The following ABTB3 variants were observed in gnomAD, a reference collection of about 807,000 sequenced individuals.
ABTB3 encodes the protein ankyrin repeat and BTB domain containing 3, also known as ankyrin repeat- and BTB/POZ domain-containing protein 3.
the ABTB3 span, among the ~76,000 whole-genome samples, chr12:107,540,077 C>A: frequency 1.3e-5 from 2 of 152,128 alleles, no homozygotes; most frequent in Non-Finnish European, 2.9e-5. Flanking sequence ...TAACCCCCTG[C>A]GTTAGTCTAT....
the ABTB3 span, among the ~76,000 whole-genome samples, chr12:107,579,165 T>G: frequency 6.6e-6 from 1 of 152,126 alleles, no homozygotes; most frequent in African/African-American, 2.4e-5. Context: ...TTAAGAGGGA[T>G]GTGGATTTTT....
chr12:107,403,142 G>C, the ABTB3 span, among the ~76,000 whole-genome samples: 1 of 152,154 alleles, frequency 6.6e-6, no homozygotes, highest in Non-Finnish European at 1.5e-5. Flanking sequence ...GCATGGTCTA[G>C]AGATCACGTA....
chr12:107,393,670 C>G, the ABTB3 span, among the ~76,000 whole-genome samples: 1 of 152,134 alleles, frequency 6.6e-6, no homozygotes, highest in Non-Finnish European at 1.5e-5. Context: ...GTGGGTCATG[C>G]CTGTAATCCC....
At chr12:107,478,155 A>C in the ABTB3 span, among the ~76,000 whole-genome samples, 1 of 152,222 alleles carries the variant, frequency 6.6e-6, no homozygotes, top group Non-Finnish European at 1.5e-5. Flanking sequence ...TCAGATGCCC[A>C]GATCTGCCAC....
chr12:107,648,237 C>T, the ABTB3 span, among the ~76,000 whole-genome samples: 3 of 151,988 alleles, frequency 2.0e-5, no homozygotes, highest in Non-Finnish European at 2.9e-5. Context: ...AAAAACTAGC[C>T]GGGCGTGGCA....
the ABTB3 span, among the ~76,000 whole-genome samples, chr12:107,483,334 G>A: frequency 2.0e-5 from 3 of 152,102 alleles, no homozygotes; most frequent in Non-Finnish European, 4.4e-5. Flanking sequence ...ATGAGCCACC[G>A]TGCCCAGCCC....
the ABTB3 span, among the ~76,000 whole-genome samples, chr12:107,393,323 C>T: frequency 1.7e-5 from 2 of 116,418 alleles, no homozygotes; most frequent in African/African-American, 6.6e-5. Flanking sequence ...ATCTGGTTTC[C>T]TGTATCAGGC....
the ABTB3 span, among the ~76,000 whole-genome samples, chr12:107,340,318 C>A: frequency 6.6e-6 from 1 of 152,142 alleles, no homozygotes; most frequent in Non-Finnish European, 1.5e-5. Context: ...CTGAGACTGG[C>A]CTCAGAAAGG....
At chr12:107,440,410 G>T in the ABTB3 span, among the ~76,000 whole-genome samples, 1 of 152,212 alleles carries the variant, frequency 6.6e-6, no homozygotes, top group Non-Finnish European at 1.5e-5. Context: ...CCTTCTCAGG[G>T]CTGACCCTTC....
chr12:107,547,090 G>C, the ABTB3 span, among the ~76,000 whole-genome samples: 2 of 151,896 alleles, frequency 1.3e-5, no homozygotes, highest in Non-Finnish European at 1.5e-5. Context: ...GCTACTTAGG[G>C]GGCTGAAGCA....
chr12:107,636,397 G>T, the ABTB3 span, among the ~76,000 whole-genome samples: 15 of 152,190 alleles, frequency 9.9e-5, no homozygotes, highest in Admixed American at 7.2e-4. Flanking sequence ...CCCTAGATAG[G>T]TTGGGGACTT....
the ABTB3 span, among the ~76,000 whole-genome samples, chr12:107,455,041 T>G: frequency 6.6e-6 from 1 of 152,220 alleles, no homozygotes; most frequent in Non-Finnish European, 1.5e-5. Flanking sequence ...AGAAGAGACA[T>G]TGCTATTATG....
chr12:107,501,154 T>C, the ABTB3 span, among the ~76,000 whole-genome samples: 3 of 152,184 alleles, frequency 2.0e-5, no homozygotes, highest in South Asian at 6.2e-4. Flanking sequence ...GGTTAATGCA[T>C]GTAAAGCATT....
At chr12:107,480,573 C>T in the ABTB3 span, among the ~76,000 whole-genome samples, 3 of 152,156 alleles carry the variant, frequency 2.0e-5, no homozygotes, top group Non-Finnish European at 4.4e-5. Flanking sequence ...TGTATTCATT[C>T]TGCTATACCA....
the ABTB3 span, among the ~76,000 whole-genome samples, chr12:107,524,234 T>C: frequency 6.6e-6 from 1 of 152,206 alleles, no homozygotes; most frequent in Non-Finnish European, 1.5e-5. Flanking sequence ...CCCCATAGAA[T>C]GTGTGCACAA....
the ABTB3 span, among the ~76,000 whole-genome samples, chr12:107,361,041 C>T: frequency 6.9e-6 from 1 of 145,666 alleles, no homozygotes; most frequent in Non-Finnish European, 1.5e-5. Flanking sequence ...CAAAGCAGCA[C>T]TTTAGGAGTA....
chr12:107,513,203 C>A, the ABTB3 span, among the ~76,000 whole-genome samples: 1 of 152,188 alleles, frequency 6.6e-6, no homozygotes, highest in Admixed American at 6.5e-5. Flanking sequence ...ATCACTACCA[C>A]CATTATCATC....
the ABTB3 span, among the ~76,000 whole-genome samples, chr12:107,483,379 G>C: frequency 1.3e-5 from 2 of 152,160 alleles, no homozygotes; most frequent in Non-Finnish European, 2.9e-5. Flanking sequence ...TTTTCCTGTA[G>C]GGAATATTGG....
At chr12:107,418,779 G>A in the ABTB3 span, among the ~76,000 whole-genome samples, 3 of 152,354 alleles carry the variant, frequency 2.0e-5, no homozygotes, top group African/African-American at 7.2e-5. Flanking sequence ...TTCAGTTAGA[G>A]TTTGATGGGG....
Sources: allele counts gnomAD v4.1 joint callset (sites outside exome capture counted in the v4.1 genomes callset), GRCh38; gene constraint gnomAD v4.1.1; transcripts MANE v1.5; gene names NCBI Gene and HGNC (gene_info 2026-07-23, HGNC 2026-07-21).